The following GRID2 variants were observed in gnomAD, a reference collection of about 807,000 sequenced individuals.
GRID2 encodes glutamate ionotropic receptor delta type subunit 2.
Under a neutral mutation model 114.8 loss-of-function variants are expected in GRID2, and 33 were observed. The ratio of observed to expected loss-of-function variants is 0.29; its 90% CI spans 0.22 to 0.38. The LOEUF (loss-of-function observed/expected upper bound fraction) is 0.38. Ranked by LOEUF, GRID2 falls within the 10% of genes least tolerant of loss-of-function variation. The pLI, the probability that GRID2 is intolerant of heterozygous loss-of-function variation, is 1.00. For missense variants in GRID2, 1,184 were observed against 1,257.7 expected (o/e 0.94, Z 0.89); for synonymous variants, 505 against 449.9 (o/e 1.12, Z -1.55).
At position 92,572,607 on chromosome 4, in the gene GRID2, G is replaced by T. The variant is rs77487998; in HGVS notation, c.89-17524G>T. On this transcript the variant is annotated intron_variant, in intron 1 of 15. Transcript: ENST00000282020. ...AAAAAGAGAATTTTAGACATTTATT[G>T]ATTTGCATATGTTGAATCAGCCTTG... is the stretch of plus-strand genomic sequence containing the variant. Among the ~76,000 whole-genome samples, 18 of 152,022 alleles carry T rather than the reference G, an allele frequency of 1.2e-4. No homozygotes were observed. In the South Asian group the frequency reaches 3.7e-3, roughly 32 times the overall value.
intron 2 of GRID2, among the ~76,000 whole-genome samples, chr4:92,676,168 C>A (rs185502321): frequency 1.0e-5 from 1 of 95,714 alleles, no homozygotes; most frequent in Non-Finnish European, 2.3e-5. Flanking sequence ...CCCCCCCCCC[C>A]CCTTTTTTTT....
At chr4:92,794,905 T>TATACATATATAC (rs745392261) in intron 2 of GRID2, among the ~76,000 whole-genome samples, 10 of 127,814 alleles carry the variant, frequency 7.8e-5, no homozygotes, top group Admixed American at 2.4e-4. Flanking sequence ...TATATATATA[T>TATACATATATAC]ACACACACAC....
At chr4:92,381,964 T>G (rs1357775771) in intron 1 of GRID2, among the ~76,000 whole-genome samples, 1 of 151,966 alleles carries the variant, frequency 6.6e-6, no homozygotes, top group African/African-American at 2.4e-5. Context: ...TTTTTTCAAG[T>G]TTTTCATGAT....
intron 4 of GRID2, among the ~76,000 whole-genome samples, chr4:93,119,013 A>C (rs1281729233): frequency 6.6e-6 from 1 of 152,190 alleles, no homozygotes; most frequent in Non-Finnish European, 1.5e-5. Context: ...TGCTAAGGGG[A>C]AAAATAAGCA....
intron 11 of GRID2, among the ~76,000 whole-genome samples, chr4:93,469,773 T>C (rs1340804410): frequency 6.6e-6 from 1 of 152,074 alleles, no homozygotes; most frequent in Non-Finnish European, 1.5e-5. Context: ...AGTTCTTCTA[T>C]TAGGGCTGCA....
At chr4:93,728,723 C>G (rs1261906067) in intron 14 of GRID2, among the ~76,000 whole-genome samples, 7 of 152,078 alleles carry the variant, frequency 4.6e-5, no homozygotes, top group Non-Finnish European at 1.0e-4. Flanking sequence ...TTGAATTGAT[C>G]CCTTTACCAT....
intron 14 of GRID2, among the ~76,000 whole-genome samples, chr4:93,681,384 C>T (rs1282826199): frequency 2.0e-5 from 3 of 151,486 alleles, no homozygotes; most frequent in African/African-American, 7.3e-5. Context: ...ATGCCATCCT[C>T]ATCAAGCTAC....
chr4:92,660,606 A>G (rs1004823212), intron 2 of GRID2, among the ~76,000 whole-genome samples: 1 of 151,278 alleles, frequency 6.6e-6, no homozygotes, highest in African/African-American at 2.4e-5. Context: ...TGCACAATCA[A>G]GAGTTTACCA....
intron 1 of GRID2, among the ~76,000 whole-genome samples, chr4:92,448,104 T>C (rs971866525): frequency 1.3e-5 from 2 of 152,118 alleles, no homozygotes; most frequent in Non-Finnish European, 2.9e-5. Flanking sequence ...AAAGCTTTTC[T>C]GTAGAGTAGT....
At chr4:93,206,968 A>C (rs2149469411) in intron 4 of GRID2, among the ~76,000 whole-genome samples, 1 of 152,238 alleles carries the variant, frequency 6.6e-6, no homozygotes, top group Non-Finnish European at 1.5e-5. Context: ...AAGTAGCAGC[A>C]GATAAGAATA....
chr4:93,472,016 A>C (rs1724887428), intron 11 of GRID2, among the ~76,000 whole-genome samples: 1 of 150,234 alleles, frequency 6.7e-6, no homozygotes, highest in Non-Finnish European at 1.5e-5. Flanking sequence ...TTAATATTTT[A>C]TTTATGCTGA....
chr4:93,735,408 A>G (rs956512047), intron 14 of GRID2, among the ~76,000 whole-genome samples: 1 of 151,968 alleles, frequency 6.6e-6, no homozygotes, highest in African/African-American at 2.4e-5. Flanking sequence ...CATTTTCCAC[A>G]TGTAATTTTA....
At chr4:93,650,593 C>T (rs181696669) in intron 14 of GRID2, among the ~76,000 whole-genome samples, 1 of 152,192 alleles carries the variant, frequency 6.6e-6, no homozygotes, top group Admixed American at 6.5e-5. Context: ...TAAAGCAACC[C>T]AGTGCTTGTA....
chr4:92,893,696 T>A (rs1428638003), intron 2 of GRID2, among the ~76,000 whole-genome samples: 2 of 152,128 alleles, frequency 1.3e-5, no homozygotes, highest in Non-Finnish European at 2.9e-5. Context: ...TTTCCTACTG[T>A]GCCACAGCTG....
intron 3 of GRID2, among the ~76,000 whole-genome samples, chr4:93,095,611 A>G (rs1343387444): frequency 6.6e-6 from 1 of 152,064 alleles, no homozygotes; most frequent in Non-Finnish European, 1.5e-5. Flanking sequence ...CTATATTCGC[A>G]AGTAATTGTA....
chr4:93,731,062 C>A (rs1730442961), intron 14 of GRID2, among the ~76,000 whole-genome samples: 1 of 152,146 alleles, frequency 6.6e-6, no homozygotes, highest in South Asian at 2.1e-4. Context: ...AGGTTTTTGG[C>A]CAGGAAGCAG....
chr4:93,401,328 T>G (rs1765865399), intron 9 of GRID2, among the ~76,000 whole-genome samples: 1 of 152,140 alleles, frequency 6.6e-6, no homozygotes. Flanking sequence ...TTCTGCATTT[T>G]ATAAATTAAA....
intron 1 of GRID2, among the ~76,000 whole-genome samples, chr4:92,370,134 T>G (rs1729052707): frequency 6.6e-6 from 1 of 152,218 alleles, no homozygotes; most frequent in Non-Finnish European, 1.5e-5. Flanking sequence ...ATTTTCTCAA[T>G]ATTTCAAACT....
At chr4:92,932,386 C>A (rs968098119) in intron 2 of GRID2, among the ~76,000 whole-genome samples, 1 of 151,310 alleles carries the variant, frequency 6.6e-6, no homozygotes, top group Non-Finnish European at 1.5e-5. Flanking sequence ...TACATGCACA[C>A]ATGCACACAC....
Sources: allele counts gnomAD v4.1 joint callset (sites outside exome capture counted in the v4.1 genomes callset), GRCh38; gene constraint gnomAD v4.1.1; transcripts MANE v1.5; gene names NCBI Gene and HGNC (gene_info 2026-07-23, HGNC 2026-07-21).